Variants in STK33 observed in about 807,000 individuals in gnomAD.
The protein encoded by STK33 is serine/threonine kinase 33.
STK33 carries 52 observed loss-of-function variants against 58.0 expected under a neutral mutation model. The observed-to-expected ratio is 0.90, with a 90% CI of 0.72 to 1.13. STK33 has a LOEUF of 1.13. Ranked by LOEUF, STK33 falls within the 50% of genes most tolerant of loss-of-function variation. The probability of loss-of-function intolerance (pLI) is 0.00; values close to 1 mark genes in which losing one functional copy is unlikely to be tolerated. For synonymous variants in STK33, 215 were observed against 200.1 expected (o/e 1.07, Z -0.63); for missense variants, 630 against 604.2 (o/e 1.04, Z -0.45).
At chr11:8,587,770 C>T (rs932846208) in intron 1 of STK33, among the ~76,000 whole-genome samples, 10 of 151,984 alleles carry the variant, frequency 6.6e-5, no homozygotes, top group South Asian at 4.2e-4. Context: ...AGGGGTCAAG[C>T]GGGAATCAGG....
At chr11:8,454,395 C>G (rs1946612387) in intron 10 of STK33, among the ~76,000 whole-genome samples, 1 of 152,130 alleles carries the variant, frequency 6.6e-6, no homozygotes, top group Non-Finnish European at 1.5e-5. Flanking sequence ...GTATCAAAAG[C>G]ACACGCAAGG....
intron 1 of STK33, among the ~76,000 whole-genome samples, chr11:8,523,984 T>C (rs1953800833): frequency 6.6e-6 from 1 of 152,238 alleles, no homozygotes; most frequent in Non-Finnish European, 1.5e-5. Flanking sequence ...AAAATTCTTC[T>C]GCCTTGGGAT....
intron 1 of STK33, among the ~76,000 whole-genome samples, chr11:8,494,549 C>T (rs1031746288): frequency 7.2e-5 from 11 of 152,146 alleles, no homozygotes; most frequent in Non-Finnish European, 1.3e-4. Flanking sequence ...CAATGCCATC[C>T]CCATGAAGCT....
chr11:8,487,098 A>G (rs1213551041), intron 1 of STK33, among the ~76,000 whole-genome samples: 1 of 152,154 alleles, frequency 6.6e-6, no homozygotes, highest in Non-Finnish European at 1.5e-5. Context: ...AGAGACAAGG[A>G]GAAATCTAGG....
chr11:8,462,965 T>G (rs1050031479), intron 7 of STK33, among the ~76,000 whole-genome samples: 9 of 152,120 alleles, frequency 5.9e-5, no homozygotes. Context: ...TCCACCTGAT[T>G]TGGGAGAGTA....
intron 1 of STK33, among the ~76,000 whole-genome samples, chr11:8,558,558 G>C (rs1358279093): frequency 6.6e-6 from 1 of 152,080 alleles, no homozygotes; most frequent in Non-Finnish European, 1.5e-5. Context: ...TGTAGTTTTT[G>C]AATTAATCAA....
chr11:8,429,349 G>C (rs1035601087), intron 14 of STK33, among the ~76,000 whole-genome samples: 6 of 152,134 alleles, frequency 3.9e-5, no homozygotes, highest in Non-Finnish European at 8.8e-5. Flanking sequence ...AAGCATAAAA[G>C]TTTGAACAGA....
chr11:8,341,962 G>T, the STK33 span, among the ~76,000 whole-genome samples: 1 of 152,206 alleles, frequency 6.6e-6, no homozygotes, highest in African/African-American at 2.4e-5. Flanking sequence ...GAGAAAGTGA[G>T]GCATTTATTG....
chr11:8,588,054 T>C (rs1167182138), intron 1 of STK33, among the ~76,000 whole-genome samples: 1 of 152,188 alleles, frequency 6.6e-6, no homozygotes, highest in Admixed American at 6.5e-5. Context: ...GATGGCCATC[T>C]TCCTGCTCTG....
At chr11:8,337,854 C>A in the STK33 span, among the ~76,000 whole-genome samples, 1 of 152,164 alleles carries the variant, frequency 6.6e-6, no homozygotes, top group Non-Finnish European at 1.5e-5. Context: ...ATCCCCAAGG[C>A]TCATGCCCTC....
Position 8,534,588 on chromosome 11 carries a change from G to GTT in STK33, c.-465-53975_-465-53974insAA, listed in dbSNP as rs1344143369. Among the ~76,000 whole-genome samples, 5 of 151,254 alleles carry GTT rather than the reference G, an allele frequency of 3.3e-5. No individual in the cohort carries two copies. In the East Asian group the frequency reaches 9.7e-4, roughly 29 times the overall value. On this transcript the variant is annotated intron_variant, in intron 1 of 15. Coordinates refer to ENST00000687296, the MANE Select transcript of STK33 (RefSeq NM_001352389.2). ...TCTCTCTGTGTGTGTGTGTGTGTGT[G>GTT]TGTGTGTGTGTGTCAAGGTAAATTT... is the stretch of plus-strand genomic sequence containing the variant.
chr11:8,499,366 A>G (rs150561326), intron 1 of STK33, among the ~76,000 whole-genome samples: 8,103 of 152,324 alleles, frequency 0.053, 290 homozygotes, highest in Non-Finnish European at 0.071. Flanking sequence ...CAAAACCACA[A>G]TGAGATACCA....
At chr11:8,371,813 CCCTTCCTCCTTCCCTCCCACCCTT>C in the STK33 span, among the ~76,000 whole-genome samples, 18 of 145,678 alleles carry the variant, frequency 1.2e-4, no homozygotes, top group African/African-American at 4.1e-4. Context: ...CTCTCTCCCT[CCCTTCCTCCTTCCCTCCCACCCTT>C]CCTTCCTCCT....
chr11:8,352,421 C>T, the STK33 span, among the ~76,000 whole-genome samples: 229 of 152,266 alleles, frequency 1.5e-3, no homozygotes, highest in African/African-American at 5.3e-3. Flanking sequence ...AGTGTTAGAG[C>T]TTCCTCACCC....
At chr11:8,535,205 A>G (rs574837141) in intron 1 of STK33, among the ~76,000 whole-genome samples, 19 of 152,188 alleles carry the variant, frequency 1.2e-4, no homozygotes, top group Non-Finnish European at 2.6e-4. Flanking sequence ...TGGTCCATAT[A>G]CTGAGTTATT....
At chr11:8,403,059 G>C (rs151214934) in intron 15 of STK33, among the ~76,000 whole-genome samples, 5 of 152,158 alleles carry the variant, frequency 3.3e-5, no homozygotes, top group African/African-American at 4.8e-5. Context: ...CTGTACAAAG[G>C]GGGAGAAAGA....
chr11:8,567,574 C>G (rs1047190933), intron 1 of STK33, among the ~76,000 whole-genome samples: 2 of 152,128 alleles, frequency 1.3e-5, no homozygotes, highest in East Asian at 3.9e-4. Flanking sequence ...CTCCCATTTC[C>G]CAAAATATAT....
chr11:8,463,101 T>C (rs1168937261), intron 7 of STK33, among the ~76,000 whole-genome samples: 1 of 152,008 alleles, frequency 6.6e-6, no homozygotes, highest in Non-Finnish European at 1.5e-5. Context: ...ATCTCAGGAG[T>C]GGGTGGGATG....
chr11:8,582,560 C>G (rs528134702), intron 1 of STK33, among the ~76,000 whole-genome samples: 46 of 152,222 alleles, frequency 3.0e-4, no homozygotes, highest in East Asian at 5.8e-4. Flanking sequence ...CTCAGTCTCA[C>G]GAGAACAGCA....
Sources: allele counts gnomAD v4.1 joint callset (sites outside exome capture counted in the v4.1 genomes callset), GRCh38; gene constraint gnomAD v4.1.1; transcripts MANE v1.5; gene names NCBI Gene and HGNC (gene_info 2026-07-23, HGNC 2026-07-21).